The following BPIFC variants were observed in gnomAD, a reference collection of about 807,000 sequenced individuals.
BPIFC encodes the protein BPI fold-containing family C protein.
BPIFC carries 60 observed loss-of-function variants against 57.6 expected under a neutral mutation model. That is an observed-to-expected ratio of 1.04 (90% confidence interval 0.85 to 1.29). The LOEUF (loss-of-function observed/expected upper bound fraction) is 1.29. Ranked by LOEUF, BPIFC falls within the 50% of genes most tolerant of loss-of-function variation. The pLI, the probability that BPIFC is intolerant of heterozygous loss-of-function variation, is 0.00. For missense variants in BPIFC, 581 were observed against 600.5 expected (o/e 0.97, Z 0.34); for synonymous variants, 243 against 224.5 (o/e 1.08, Z -0.74).
At chr22:32,431,551 G>A in intron 12 of BPIFC, 137 bp from the exon 13 acceptor site, 1 of 601,634 alleles carries the variant, frequency 1.7e-6, no homozygotes, top group South Asian at 2.2e-5. Flanking sequence ...AAAAGACATT[G>A]GAAATACAGA....
At position 32,426,170 on chromosome 22, in the gene BPIFC, T is replaced by C. The variant is rs374689644; in HGVS notation, c.1217+5177A>G. On this transcript the variant is annotated intron_variant, in intron 13 of 16. Coordinates refer to ENST00000300399, the MANE Select transcript of BPIFC (RefSeq NM_174932.3). ...AGGCAGGGGATAGTTAGAGAGGCCA[T>C]GTTGTTCTGGGGAGAGTAATTTGGA... is the stretch of plus-strand genomic sequence containing the variant. 1.5e-4 allele frequency among the ~76,000 whole-genome samples: 23 copies of C among 152,256 alleles called. 1 individual carries two copies. The East Asian group carries it at 2.3e-3, about 15-fold the overall frequency.
chr22:32,415,640 A>C (rs763663169), intron 16 of BPIFC, among the ~76,000 whole-genome samples: 5 of 152,210 alleles, frequency 3.3e-5, no homozygotes, highest in Admixed American at 6.5e-5. Context: ...TGTCTTGTGG[A>C]ATAAGTAAAA....
Position 32,453,366 on chromosome 22 carries a change from C to T in BPIFC, c.245+17G>A. On this transcript the variant is annotated intron_variant, in intron 4 of 16. Coordinates refer to ENST00000300399, the MANE Select transcript of BPIFC (RefSeq NM_174932.3). ...TGAGCTTCTTATAAGAGGCAAAATG[C>T]TCTTCTTTTTACTTACTTTGAAAAA... 1 of 1,554,034 alleles carries T rather than the reference C, an allele frequency of 6.4e-7. No individual in the cohort carries two copies. Among genetic ancestry groups the T allele is most frequent in the Admixed American group, 2.0e-5 (1 of 49,006 alleles).
chr22:32,460,752 A>G (rs1051977314), intron 2 of BPIFC, among the ~76,000 whole-genome samples: 4 of 152,186 alleles, frequency 2.6e-5, no homozygotes, highest in Non-Finnish European at 5.9e-5. Flanking sequence ...TTAACCCTTG[A>G]TCAAAATACA....
At position 32,446,617 on chromosome 22, in the gene BPIFC, G is replaced by T. The variant is rs780557289; in HGVS notation, c.374+595C>A. 44 of 342,474 alleles carry T rather than the reference G, an allele frequency of 1.3e-4. No individual in the cohort carries two copies. In the South Asian group the frequency reaches 3.2e-3, roughly 25 times the overall value. 21.2% of individuals were successfully genotyped at this position (342,474 alleles called of 1,614,324 possible). A position where few individuals can be genotyped will look rare whatever the true frequency, so the allele number is the denominator to read the frequency against. On this transcript the variant is annotated intron_variant, in intron 5 of 16. Transcript: ENST00000300399. ...CACAGCAGGCACTCAATAAATGGTT[G>T]TTGACTGACTTAGTGGAAGAATGAA...
intron 7 of BPIFC, among the ~76,000 whole-genome samples, chr22:32,444,586 T>C (rs1934661476): frequency 6.6e-6 from 1 of 152,174 alleles, no homozygotes; most frequent in Non-Finnish European, 1.5e-5. Flanking sequence ...AGAGAGTGCA[T>C]AGACAATTCC....
intron 9 of BPIFC, among the ~76,000 whole-genome samples, chr22:32,436,583 G>A (rs537535692): frequency 6.6e-6 from 1 of 152,170 alleles, no homozygotes; most frequent in East Asian, 1.9e-4. Flanking sequence ...TAGGATTCTT[G>A]AGCATATTTA....
chr22:32,462,710 T>C (rs565871878), intron 1 of BPIFC, among the ~76,000 whole-genome samples: 49 of 152,342 alleles, frequency 3.2e-4, no homozygotes, highest in African/African-American at 1.1e-3. Context: ...TTCTTCTGGT[T>C]CCTAATTCTA....
At chr22:32,427,856 G>A (rs5749437) in intron 13 of BPIFC, among the ~76,000 whole-genome samples, 35,148 of 152,074 alleles carry the variant, frequency 0.23, 4,726 homozygotes, top group East Asian at 0.48. Context: ...GCGTGGTGGC[G>A]TGCGCCTGTA....
rs1257473487 is a variant in BPIFC, at chr22:32,445,644, T to C, written c.585A>G (p.Leu195=). 1.3e-6 allele frequency: 2 copies of C among 1,599,382 alleles called. No individual in the cohort carries two copies. The highest frequency in any genetic ancestry group is 1.7e-6 in the Non-Finnish European group (2 of 1,177,102). ...ACCTCTAAAGACTCACCATTTCATTTAAGTTCTTTAAAATGGGTTTCTCCA... is the reference window on the plus strand; with the variant it reads ...ACCTCTAAAGACTCACCATTTCATTCAAGTTCTTTAAAATGGGTTTCTCCA... The part of the protein sequence containing the change: ...EPMEKPILKN[L]NEMLCPIIAS... The change falls in exon 7 of 17, where the codon TTA becomes TTG. Residue 195 remains leucine, a synonymous_variant. Transcript: ENST00000300399.
At chr22:32,451,637 G>A (rs1934897391) in intron 4 of BPIFC, among the ~76,000 whole-genome samples, 1 of 152,084 alleles carries the variant, frequency 6.6e-6, no homozygotes, top group East Asian at 1.9e-4. Flanking sequence ...CATGGCACAT[G>A]TATACATATG....
intron 8 of BPIFC, among the ~76,000 whole-genome samples, chr22:32,438,702 A>AT (rs1165366124): frequency 6.6e-6 from 1 of 152,082 alleles, no homozygotes; most frequent in African/African-American, 2.4e-5. Context: ...CTATATAGTT[A>AT]TTTTTTAAAA....
intron 13 of BPIFC, among the ~76,000 whole-genome samples, chr22:32,421,610 TAGGATTG>T (rs1343961144): frequency 6.6e-6 from 1 of 152,192 alleles, no homozygotes; most frequent in Non-Finnish European, 1.5e-5. Context: ...CTTGTATTCC[TAGGATTG>T]AGTACAGAGG....
intron 5 of BPIFC, among the ~76,000 whole-genome samples, chr22:32,446,205 A>T (rs1190853477): frequency 1.3e-5 from 2 of 152,222 alleles, no homozygotes; most frequent in African/African-American, 2.4e-5. Context: ...TGTGAAAGCT[A>T]ACAGCTATTG....
At chr22:32,432,642 G>T in intron 11 of BPIFC, 99 bp from the exon 12 acceptor site, 1 of 1,158,358 alleles carries the variant, frequency 8.6e-7, no homozygotes. Context: ...ATCTTACATT[G>T]TGCAGTTAGA....
At chr22:32,446,061 G>A (rs1467646584) in intron 5 of BPIFC, 65 bp from the exon 6 acceptor site, 1 of 1,569,346 alleles carries the variant, frequency 6.4e-7, no homozygotes, top group South Asian at 1.2e-5. Context: ...TTGTTTCTCT[G>A]ATTACCCAGA....
Position 32,417,153 on chromosome 22 carries a change from A to C in BPIFC, c.1261-5T>G. ...AATATTTTCAAACCTCAAGACCTAA[A>C]ATAAAAGAGGAAATAGAATCAATTG... On this transcript the variant is annotated splice_region_variant and splice_polypyrimidine_tract_variant and intron_variant, in intron 14 of 16. Coordinates refer to ENST00000300399, the MANE Select transcript of BPIFC (RefSeq NM_174932.3). The C allele has an allele frequency of 6.2e-7, 1 of 1,600,126 alleles. No individual in the cohort carries two copies. Among genetic ancestry groups the C allele is most frequent in the Non-Finnish European group, 8.6e-7 (1 of 1,167,648 alleles).
chr22:32,451,784 G>GTACTT (rs1413515645), intron 4 of BPIFC, among the ~76,000 whole-genome samples: 2 of 152,004 alleles, frequency 1.3e-5, no homozygotes, highest in Non-Finnish European at 2.9e-5. Context: ...AATTCTTCCT[G>GTACTT]TACTTTCTGC....
At chr22:32,423,282 T>G (rs1320207468) in intron 13 of BPIFC, among the ~76,000 whole-genome samples, 1 of 152,184 alleles carries the variant, frequency 6.6e-6, no homozygotes, top group Non-Finnish European at 1.5e-5. Flanking sequence ...TGAATTTCAT[T>G]GTTTCCTGCA....
Sources: allele counts gnomAD v4.1 joint callset (sites outside exome capture counted in the v4.1 genomes callset), GRCh38; gene constraint gnomAD v4.1.1; transcripts MANE v1.5; gene names NCBI Gene and HGNC (gene_info 2026-07-23, HGNC 2026-07-21).